The following SHLD2 variants were observed in gnomAD, a reference collection of about 807,000 sequenced individuals.
SHLD2 encodes the protein shieldin complex subunit 2, also known as RINN1-REV7-interacting novel NHEJ regulator 2.
In SHLD2, 30 loss-of-function variants were observed where a neutral mutation model predicts 73.2. The ratio of observed to expected loss-of-function variants is 0.41; its 90% confidence interval spans 0.31 to 0.56. The LOEUF is 0.56. Ranked by LOEUF, SHLD2 falls within the 20% of genes least tolerant of loss-of-function variation. The pLI is 0.28. For missense variants in SHLD2, 745 were observed against 1,055.9 expected (o/e 0.71, Z 4.08); for synonymous variants, 285 against 370.1 (o/e 0.77, Z 2.64).
intron 2 of SHLD2, among the ~76,000 whole-genome samples, chr10:87,104,519 A>G (rs1401953253): frequency 6.6e-6 from 1 of 151,944 alleles, no homozygotes; most frequent in Non-Finnish European, 1.5e-5. Flanking sequence ...GGGTGACAAC[A>G]GCAAGATTCT....
upstream of SHLD2, chr10:87,094,768 A>G (rs769645850): frequency 1.3e-6 from 2 of 1,536,136 alleles, no homozygotes; most frequent in Non-Finnish European, 1.8e-6. This position sits in a 1 kb window ranked among gnomAD's most constrained non-coding sequence, Gnocchi z 6.6. Flanking sequence ...GTAGCGGTAC[A>G]TGGCCACAAG....
At chr10:87,183,508 CTT>C (rs1278454163) in intron 8 of SHLD2, among the ~76,000 whole-genome samples, 3 of 152,154 alleles carry the variant, frequency 2.0e-5, no homozygotes, top group Non-Finnish European at 4.4e-5. Context: ...TCCCATATTT[CTT>C]TTATTAAAAA....
intron 2 of SHLD2, among the ~76,000 whole-genome samples, chr10:87,144,277 T>C (rs972573483): frequency 2.0e-5 from 3 of 152,084 alleles, no homozygotes; most frequent in Non-Finnish European, 4.4e-5. Flanking sequence ...AAGGGAGAAA[T>C]TCCCGTTGTA....
chr10:87,136,164 CTTTA>C (rs759490722), intron 2 of SHLD2, among the ~76,000 whole-genome samples: 4 of 151,666 alleles, frequency 2.6e-5, no homozygotes, highest in African/African-American at 4.9e-5. Context: ...CTTATTATTG[CTTTA>C]TTTATTTTAT....
intron 2 of SHLD2, among the ~76,000 whole-genome samples, chr10:87,100,353 C>T (rs1413635781): frequency 1.3e-5 from 2 of 152,152 alleles, no homozygotes; most frequent in Non-Finnish European, 2.9e-5. Flanking sequence ...ATTTCTTTCC[C>T]ATTGAATTGT....
chr10:87,179,696 C>T (rs1024046685), intron 7 of SHLD2, among the ~76,000 whole-genome samples: 4 of 152,196 alleles, frequency 2.6e-5, no homozygotes, highest in Non-Finnish European at 4.4e-5. Context: ...CCACTGCGCC[C>T]GGCCCCTATT....
chr10:87,147,310 G>T (rs1845697705), intron 2 of SHLD2, among the ~76,000 whole-genome samples: 1 of 151,936 alleles, frequency 6.6e-6, no homozygotes, highest in African/African-American at 2.4e-5. Context: ...GGGATTGGAT[G>T]AAATTCTCTA....
At chr10:87,127,525 A>G (rs1473976665) in intron 2 of SHLD2, among the ~76,000 whole-genome samples, 1 of 29,012 alleles carries the variant, frequency 3.4e-5, no homozygotes, top group African/African-American at 2.4e-4. Flanking sequence ...TGTCCCTCTT[A>G]CCCGCCCCCC....
intron 4 of SHLD2, among the ~76,000 whole-genome samples, chr10:87,160,675 T>A (rs1010679987): frequency 2.6e-5 from 4 of 152,038 alleles, no homozygotes; most frequent in Admixed American, 2.6e-4. Flanking sequence ...ACTAGAATTA[T>A]CAGCTAATGC....
At chr10:87,173,728 A>C (rs1352981069) in intron 6 of SHLD2, among the ~76,000 whole-genome samples, 1 of 152,066 alleles carries the variant, frequency 6.6e-6, no homozygotes, top group Non-Finnish European at 1.5e-5. Context: ...CCATGTACAA[A>C]ATTGAAAGGC....
intron 2 of SHLD2, among the ~76,000 whole-genome samples, chr10:87,124,561 A>G (rs1843851356): frequency 6.6e-6 from 1 of 152,078 alleles, no homozygotes; most frequent in African/African-American, 2.4e-5. Context: ...GTCTATGTGG[A>G]AGATACCACG....
chr10:87,157,388 CT>C (rs1214241781), intron 3 of SHLD2, among the ~76,000 whole-genome samples: 4 of 152,092 alleles, frequency 2.6e-5, no homozygotes, highest in African/African-American at 9.7e-5. Flanking sequence ...TTAGAGATAG[CT>C]CCCTTCCCCT....
chr10:87,116,580 G>T (rs187774501), intron 2 of SHLD2, among the ~76,000 whole-genome samples: 1 of 135,316 alleles, frequency 7.4e-6, no homozygotes, highest in African/African-American at 2.9e-5. Flanking sequence ...TTCAGTGAAG[G>T]GGGGATAAGG....
chr10:87,166,950 A>AGT (rs10602407), intron 4 of SHLD2, among the ~76,000 whole-genome samples: 7,333 of 126,196 alleles, frequency 0.058, 216 homozygotes, highest in Middle Eastern at 0.22. Flanking sequence ...CATTTTGGAA[A>AGT]GTGTGTGTGT....
intron 2 of SHLD2, among the ~76,000 whole-genome samples, chr10:87,150,404 C>G (rs1225375402): frequency 2.6e-5 from 4 of 151,978 alleles, no homozygotes; most frequent in Admixed American, 1.3e-4. Context: ...TATAGTTAAA[C>G]AAATGCCTCT....
At chr10:87,139,053 A>G (rs1251952922) in intron 2 of SHLD2, among the ~76,000 whole-genome samples, 1 of 152,280 alleles carries the variant, frequency 6.6e-6, no homozygotes, top group Non-Finnish European at 1.5e-5. Context: ...TCATCTGCAC[A>G]TGCAAAGTGT....
At chr10:87,172,912 A>AT (rs1373449600) in intron 6 of SHLD2, among the ~76,000 whole-genome samples, 1 of 151,874 alleles carries the variant, frequency 6.6e-6, no homozygotes, top group African/African-American at 2.4e-5. Context: ...ATGTGCTTTA[A>AT]TTTTTTCTTT....
intron 2 of SHLD2, among the ~76,000 whole-genome samples, chr10:87,150,185 C>T (rs1227891765): frequency 6.6e-6 from 1 of 150,888 alleles, no homozygotes; most frequent in Non-Finnish European, 1.5e-5. Context: ...TTGCCTCAGA[C>T]TCCCAAGTAA....
intron 8 of SHLD2, among the ~76,000 whole-genome samples, chr10:87,184,742 C>T (rs925036181): frequency 6.6e-5 from 10 of 152,210 alleles, no homozygotes; most frequent in African/African-American, 1.9e-4. Context: ...AGGATGTTCT[C>T]GAATGTCTTC....
Sources: allele counts gnomAD v4.1 joint callset (sites outside exome capture counted in the v4.1 genomes callset), GRCh38; gene constraint gnomAD v4.1.1; non-coding constraint Gnocchi (gnomAD v3.1); transcripts MANE v1.5; gene names NCBI Gene and HGNC (gene_info 2026-07-23, HGNC 2026-07-21).